CDK13: variants seen among roughly 807,000 people sequenced by gnomAD.
CDK13 encodes the protein cyclin dependent kinase 13.
Under a neutral mutation model 137.6 loss-of-function variants are expected in CDK13, and 40 were observed. The ratio of observed to expected loss-of-function variants is 0.29; its 90% confidence interval spans 0.23 to 0.38. The LOEUF (loss-of-function observed/expected upper bound fraction) is 0.38, where lower values mean the gene tolerates loss of function less well. Ranked by LOEUF, CDK13 falls within the 10% of genes least tolerant of loss-of-function variation. The probability of loss-of-function intolerance (pLI) is 1.00; values close to 1 mark genes in which losing one functional copy is unlikely to be tolerated. For missense variants in CDK13, 1,704 were observed against 1,951.8 expected, an observed-to-expected ratio of 0.87 and a Z score of 2.39; for synonymous variants, 869 against 760.1, an observed-to-expected ratio of 1.14 and a Z score of -2.36.
intron 1 of CDK13, among the ~76,000 whole-genome samples, chr7:39,975,639 G>A (rs1389840149): frequency 1.3e-5 from 2 of 152,160 alleles, no homozygotes; most frequent in Non-Finnish European, 2.9e-5. Flanking sequence ...GAAATGATGA[G>A]AGAGAGCCCG....
intron 12 of CDK13, among the ~76,000 whole-genome samples, chr7:40,088,663 T>G (rs759128213): frequency 1.3e-4 from 20 of 152,216 alleles, no homozygotes; most frequent in Non-Finnish European, 2.8e-4. Context: ...CTATAGATGC[T>G]TAAGCAGTAG....
chr7:39,950,664 C>A lies in CDK13; in HGVS notation c.23C>A (p.Ala8Glu). Residue 8 changes from alanine (A) to glutamate (E), a missense_variant, in exon 1 of 14, where the codon GCG (alanine) becomes GAG (glutamate). Ala to Glu is a moderately radical substitution (Grantham distance 107). Transcript: ENST00000181839. MPSSSDT[A>E]LGGGGGLSWA... ...GCGATGCCGAGCAGCTCGGACACGGCGCTGGGGGGAGGCGGGGGCCTGAGC... is the reference window on the plus strand; with the variant it reads ...GCGATGCCGAGCAGCTCGGACACGGAGCTGGGGGGAGGCGGGGGCCTGAGC... 1 of 1,374,068 alleles carries A rather than the reference C, an allele frequency of 7.3e-7. No homozygotes were observed. Among genetic ancestry groups the A allele is most frequent in the Non-Finnish European group, 9.4e-7 (1 of 1,067,884 alleles). 85.1% of individuals were successfully genotyped at this position (1,374,068 alleles called of 1,614,324 possible).
Position 39,987,919 on chromosome 7 carries a change from A to G in CDK13, c.1532A>G (p.His511Arg). Reference protein sequence around the residue: ...ETSASASQTNHVKDVKKIKIE... With the variant: ...ETSASASQTNRVKDVKKIKIE... ...AGTGCCAGTGCATCACAAACAAACC[A>G]TGTGAAGGATGTGAAGAAAATTAAA... The change falls in exon 2 of 14, where the codon CAT becomes CGT. Residue 511 changes from histidine (H) to arginine (R), a missense_variant. Around this residue, in one of 5 missense-constraint regions of CDK13, gnomAD observed 1,051 missense variants for 931.0 expected, o/e 1.13. Transcript: ENST00000181839. 7 of 1,614,098 alleles carry G rather than the reference A, an allele frequency of 4.3e-6. No individual in the cohort carries two copies. Among genetic ancestry groups the G allele is most frequent in the Non-Finnish European group, 5.9e-6 (7 of 1,179,956 alleles).
intron 5 of CDK13, among the ~76,000 whole-genome samples, chr7:40,016,097 G>C (rs1784999640): frequency 6.6e-6 from 1 of 152,200 alleles, no homozygotes; most frequent in African/African-American, 2.4e-5. Context: ...AGCAGTGAAG[G>C]GTGGAAGTGG....
Position 40,094,981 on chromosome 7 carries a change from G to GT in CDK13, c.*2dup, listed in dbSNP as rs1787014981. 1.5e-6 allele frequency: 2 copies of GT among 1,369,832 alleles called. No homozygotes were observed. The highest frequency in any genetic ancestry group is 5.3e-5 in the East Asian group (2 of 37,754). The allele number at this position is 1,369,832 out of a possible 1,614,324, so 84.9% of individuals were successfully genotyped here. A position where few individuals can be genotyped will look rare whatever the true frequency, so the allele number is the denominator to read the frequency against. On this transcript the variant is annotated 3_prime_UTR_variant, in exon 14 of 14. Coordinates refer to ENST00000181839, the MANE Select transcript of CDK13 (RefSeq NM_003718.5). ...CAGAGGCAGAGGGTTACCATACTGA[G>GT]TATCTGTTTTTCCTCAGGCACATCA...
chr7:39,962,851 G>C (rs1374084593), intron 1 of CDK13, among the ~76,000 whole-genome samples: 1 of 152,162 alleles, frequency 6.6e-6, no homozygotes, highest in East Asian at 1.9e-4. Flanking sequence ...ATGCTAGCTA[G>C]TTTTCCCAGC....
At chr7:40,026,359 A>G (rs777432757) in intron 5 of CDK13, among the ~76,000 whole-genome samples, 15 of 152,082 alleles carry the variant, frequency 9.9e-5, no homozygotes, top group Non-Finnish European at 2.2e-4. Context: ...AATAAAATAC[A>G]TTAGCTGAGC....
At chr7:40,015,530 G>T (rs1193545916) in intron 5 of CDK13, among the ~76,000 whole-genome samples, 1 of 152,172 alleles carries the variant, frequency 6.6e-6, no homozygotes, top group East Asian at 1.9e-4. Context: ...TATAGTGCAT[G>T]TGAAGGACTT....
intron 2 of CDK13, among the ~76,000 whole-genome samples, 169 bp from the exon 3 acceptor site, chr7:39,997,325 A>T (rs1472918681): frequency 2.0e-5 from 3 of 152,298 alleles, no homozygotes; most frequent in South Asian, 2.1e-4. Context: ...TGCATTATAC[A>T]GTTGAGTATA....
chr7:40,040,326 T>A (rs529051403), intron 5 of CDK13, among the ~76,000 whole-genome samples: 1 of 152,246 alleles, frequency 6.6e-6, no homozygotes, highest in Non-Finnish European at 1.5e-5. Flanking sequence ...ATATGCCATC[T>A]TTATCATATA....
chr7:40,007,558 T>C (rs1784818582), intron 5 of CDK13, among the ~76,000 whole-genome samples: 1 of 152,124 alleles, frequency 6.6e-6, no homozygotes, highest in Non-Finnish European at 1.5e-5. Flanking sequence ...CCTGAATAGC[T>C]GGGATTACAG....
chr7:40,058,992 T>C (rs1037596819), intron 7 of CDK13, among the ~76,000 whole-genome samples: 2 of 152,190 alleles, frequency 1.3e-5, no homozygotes, highest in Non-Finnish European at 2.9e-5. Flanking sequence ...GTACAGACTT[T>C]ATCATATGTT....
In CDK13 at chr7:40,024,024, G is replaced by A. The variant is rs1412397094; in HGVS notation, c.2354-21812G>A. On this transcript the variant is annotated intron_variant, in intron 5 of 13. Coordinates refer to ENST00000181839, the MANE Select transcript of CDK13 (RefSeq NM_003718.5). ...ATTTTCTGCAGGGAAAGTAACACCA[G>A]CCAAGAACTCACTCTCAGCTTTTAA... Among the ~76,000 whole-genome samples, 6 of 152,284 alleles carry A rather than the reference G, an allele frequency of 3.9e-5. No homozygotes were observed. In the East Asian group the frequency reaches 1.2e-3, roughly 29 times the overall value.
At chr7:40,047,012 C>CAAAAAAAAAAA (rs398040131) in intron 6 of CDK13, among the ~76,000 whole-genome samples, 1 of 65,832 alleles carries the variant, frequency 1.5e-5, no homozygotes. Context: ...GACTCGGTCT[C>CAAAAAAAAAAA]AAAAAAAAAA....
intron 7 of CDK13, among the ~76,000 whole-genome samples, chr7:40,052,909 G>A (rs1319314539): frequency 6.6e-6 from 1 of 152,034 alleles, no homozygotes; most frequent in Non-Finnish European, 1.5e-5. Flanking sequence ...GGGATTCTAG[G>A]TAATGAAAAG....
Position 40,098,126 on chromosome 7 carries a change from G to T in CDK13, c.*3146G>T, listed in dbSNP as rs761994028. ...AATTTTAAATTGAAATTTGGATAGA[G>T]ATGGTTATGGAGAGAAATCAAACAA... On this transcript the variant is annotated 3_prime_UTR_variant, in exon 14 of 14. Transcript: ENST00000181839. 3.9e-5 allele frequency: 6 copies of T among 152,090 alleles called. No homozygotes were observed. The highest frequency in any genetic ancestry group is 3.3e-4 in the Admixed American group (5 of 15,254). 9.4% of individuals were successfully genotyped at this position (152,090 alleles called of 1,614,324 possible). A position where few individuals can be genotyped will look rare whatever the true frequency, so the allele number is the denominator to read the frequency against.
chr7:40,086,296 A>T (rs1006202932), intron 11 of CDK13, among the ~76,000 whole-genome samples: 2 of 152,156 alleles, frequency 1.3e-5, no homozygotes, highest in Non-Finnish European at 2.9e-5. Context: ...AAATTCCTTT[A>T]AAAAAATTCC....
intron 1 of CDK13, among the ~76,000 whole-genome samples, chr7:39,961,649 ATTATAC>A (rs1783731013): frequency 1.4e-5 from 2 of 146,670 alleles, no homozygotes; most frequent in East Asian, 2.0e-4. Context: ...TTTTTTTTTA[ATTATAC>A]TTTAAGTTTT....
At chr7:40,009,264 G>A (rs1784850309) in intron 5 of CDK13, among the ~76,000 whole-genome samples, 1 of 152,136 alleles carries the variant, frequency 6.6e-6, no homozygotes, top group African/African-American at 2.4e-5. Context: ...ATGTCACTTG[G>A]GTGAAATGTA....
Sources: gnomAD v4.1 joint callset for allele counts (sites outside exome capture counted in the v4.1 genomes callset) on GRCh38, gnomAD v4.1.1 for gene constraint, gnomAD v4.1.1 regional missense constraint, MANE v1.5 for transcripts, NCBI Gene and HGNC (gene_info 2026-07-23, HGNC 2026-07-21) for gene names.